TENM1: variants seen among roughly 807,000 people sequenced by gnomAD.
The protein encoded by TENM1 is teneurin transmembrane protein 1, also known as teneurin-1.
A neutral mutation model predicts 174.8 loss-of-function variants in TENM1; 35 were observed. That is an observed-to-expected ratio of 0.20 (90% confidence interval 0.15 to 0.27). TENM1 has a LOEUF of 0.27. Ranked by LOEUF, TENM1 falls within the 10% of genes least tolerant of loss-of-function variation. TENM1 has a pLI of 1.00. For synonymous variants in TENM1, 781 were observed against 798.7 expected, an observed-to-expected ratio of 0.98 and a Z score of 0.37; for missense variants, 1,633 against 2,130.1, an observed-to-expected ratio of 0.77 and a Z score of 4.59.
At chrX:124,995,225 G>T in the TENM1 span, among the ~76,000 whole-genome samples, 21 of 110,386 alleles carry the variant, frequency 1.9e-4, no homozygotes, top group African/African-American at 6.3e-4. Flanking sequence ...TTTATATAGC[G>T]CTGTATCTTC....
rs192427433 is a variant in TENM1, at chrX:124,450,534, G to T, written c.4104+2803C>A. 2.1e-3 allele frequency among the ~76,000 whole-genome samples: 239 copies of T among 111,267 alleles called. 2 individuals are homozygous for T. Among genetic ancestry groups the T allele is most frequent in the African/African-American group, 7.3e-3 (224 of 30,628 alleles). ...TTTCTTTTGTAAGTTGCACAGTCTT[G>T]GGTATGTCTTTATCAGCAGCGTAAA... On this transcript the variant is annotated intron_variant, in intron 23 of 31. Coordinates refer to ENST00000422452, the Ensembl canonical transcript of TENM1.
At chrX:124,748,736 T>C (rs1252141163) in intron 3 of TENM1, among the ~76,000 whole-genome samples, 1 of 112,361 alleles carries the variant, frequency 8.9e-6, no homozygotes, top group African/African-American at 3.2e-5. Flanking sequence ...AAGTTACAGA[T>C]ATTAGAATCA....
chrX:125,077,779 A>T, the TENM1 span, among the ~76,000 whole-genome samples: 4,265 of 111,349 alleles, frequency 0.038, 101 homozygotes, highest in Non-Finnish European at 0.059. Flanking sequence ...CAATTCTAAG[A>T]CTATAAATCA....
chrX:124,854,092 G>A (rs2056771342), intron 3 of TENM1, among the ~76,000 whole-genome samples: 1 of 110,720 alleles, frequency 9.0e-6, no homozygotes, highest in African/African-American at 3.3e-5. Flanking sequence ...TGGAGTGAAG[G>A]CAATGATTAT....
chrX:124,500,592 T>C (rs16999226), intron 19 of TENM1, among the ~76,000 whole-genome samples: 28,322 of 110,686 alleles, frequency 0.26, 3,274 homozygotes, highest in African/African-American at 0.44. Flanking sequence ...GGTATCTTGT[T>C]TACAGTTAAC....
At chrX:124,671,261 T>C (rs2051913597) in intron 6 of TENM1, among the ~76,000 whole-genome samples, 1 of 111,137 alleles carries the variant, frequency 9.0e-6, no homozygotes, top group Admixed American at 9.7e-5. Context: ...CATTCACCTT[T>C]ACATTAAGCA....
At chrX:124,781,026 C>T (rs1258996666) in intron 3 of TENM1, among the ~76,000 whole-genome samples, 3 of 111,633 alleles carry the variant, frequency 2.7e-5, no homozygotes, top group Non-Finnish European at 3.8e-5. Context: ...GTGCCCCAAC[C>T]GGACCATTCT....
chrX:124,959,689 C>A (rs980576530), intron 1 of TENM1, among the ~76,000 whole-genome samples: 1 of 111,435 alleles, frequency 9.0e-6, no homozygotes. Context: ...TAAAAAGAAA[C>A]TCATTTTCCC....
intron 3 of TENM1, among the ~76,000 whole-genome samples, chrX:124,885,447 TA>T (rs952395729): frequency 3.6e-5 from 4 of 111,132 alleles, no homozygotes; most frequent in Non-Finnish European, 7.5e-5. Flanking sequence ...GAAATGTTAA[TA>T]TTCAAAAATA....
chrX:124,875,990 T>C (rs1035722016), intron 3 of TENM1, among the ~76,000 whole-genome samples: 1 of 110,135 alleles, frequency 9.1e-6, no homozygotes, highest in African/African-American at 3.3e-5. Flanking sequence ...CGTTTGTATG[T>C]ATGTCTATCA....
At chrX:124,733,031 G>A (rs1428751680) in intron 4 of TENM1, among the ~76,000 whole-genome samples, 1 of 111,752 alleles carries the variant, frequency 8.9e-6, no homozygotes, top group African/African-American at 3.3e-5. Context: ...ACCCACACCT[G>A]CATTCAGCCT....
chrX:124,911,049 G>A (rs2057827992), intron 1 of TENM1, among the ~76,000 whole-genome samples: 1 of 109,910 alleles, frequency 9.1e-6, no homozygotes, highest in Non-Finnish European at 1.9e-5. Context: ...CCAAGTAGCT[G>A]GGACTACAGG....
At chrX:124,385,851 G>T (rs757321094) in exon 29 of TENM1, 1 of 1,211,341 alleles carries the variant, frequency 8.3e-7, no homozygotes, top group East Asian at 3.0e-5. Context: ...GTCCCCAGAT[G>T]CAGGGTCTGT....
At chrX:124,545,929 T>C (rs2048418853) in intron 15 of TENM1, among the ~76,000 whole-genome samples, 2 of 112,051 alleles carry the variant, frequency 1.8e-5, no homozygotes, top group African/African-American at 6.5e-5. Context: ...AGTATACAAC[T>C]GAAGGGAAGG....
intron 27 of TENM1, among the ~76,000 whole-genome samples, chrX:124,395,040 C>T (rs2060319288): frequency 9.0e-6 from 1 of 111,527 alleles, no homozygotes; most frequent in African/African-American, 3.3e-5. Context: ...TGTTAAAAGA[C>T]CCCTGATGCA....
chrX:124,679,775 C>A (rs562988776), intron 5 of TENM1, among the ~76,000 whole-genome samples: 2 of 111,580 alleles, frequency 1.8e-5, no homozygotes, highest in South Asian at 7.4e-4. Context: ...AGAAGTAATG[C>A]ATGTTTATTT....
chrX:124,832,952 C>T (rs917606805), intron 3 of TENM1, among the ~76,000 whole-genome samples: 5 of 111,242 alleles, frequency 4.5e-5, no homozygotes, highest in Admixed American at 9.6e-5. Context: ...GGTCATTAGT[C>T]GATGTAAGAG....
intron 3 of TENM1, among the ~76,000 whole-genome samples, chrX:124,744,909 A>G (rs2053881213): frequency 8.9e-6 from 1 of 112,156 alleles, no homozygotes; most frequent in Admixed American, 9.5e-5. Flanking sequence ...TTATTTATAA[A>G]GATAGAACGC....
intron 19 of TENM1, among the ~76,000 whole-genome samples, chrX:124,497,665 C>G (rs1038243320): frequency 3.6e-5 from 4 of 111,654 alleles, no homozygotes; most frequent in Non-Finnish European, 7.5e-5. Context: ...TCAAATTACC[C>G]TCACTATGAA....
Sources: allele counts gnomAD v4.1 joint callset (sites outside exome capture counted in the v4.1 genomes callset), GRCh38; gene constraint gnomAD v4.1.1; transcripts MANE v1.5; gene names NCBI Gene and HGNC (gene_info 2026-07-23, HGNC 2026-07-21).